The following OR3A2 variants were observed in gnomAD, a reference collection of about 807,000 sequenced individuals.
OR3A2 encodes the protein olfactory receptor 3A2.
For synonymous variants in OR3A2, 126 were observed against 159.3 expected, an observed-to-expected ratio of 0.79 and a Z score of 1.57; for missense variants, 318 against 392.8, an observed-to-expected ratio of 0.81 and a Z score of 1.61.
chr17:3,303,534 G>A (rs2048979925), intron 3 of OR3A2, among the ~76,000 whole-genome samples: 1 of 151,890 alleles, frequency 6.6e-6, no homozygotes, highest in Non-Finnish European at 1.5e-5. Context: ...GAAGCCAAGA[G>A]ATCGAGATCA....
At chr17:3,286,987 C>T (rs1442143645), upstream of OR3A2, among the ~76,000 whole-genome samples, 2 of 152,166 alleles carry the variant, frequency 1.3e-5, no homozygotes, top group South Asian at 4.2e-4. Context: ...GAAGTCCATG[C>T]CCATGCCTAT....
At chr17:3,362,170 T>G (rs1311539220) in intron 2 of OR3A2, among the ~76,000 whole-genome samples, 3 of 151,782 alleles carry the variant, frequency 2.0e-5, no homozygotes, top group Non-Finnish European at 2.9e-5. Context: ...GAGGAATTTA[T>G]CCATTTCTTC....
chr17:3,357,327 T>G (rs574394402), intron 2 of OR3A2, among the ~76,000 whole-genome samples: 1 of 151,642 alleles, frequency 6.6e-6, no homozygotes, highest in Non-Finnish European at 1.5e-5. Flanking sequence ...ACCTAATCCT[T>G]GGTGCAAGAA....
intron 2 of OR3A2, among the ~76,000 whole-genome samples, chr17:3,364,712 AC>A (rs2049548359): frequency 1.3e-5 from 2 of 152,226 alleles, no homozygotes; most frequent in Non-Finnish European, 2.9e-5. Context: ...AACCAGAATT[AC>A]CATATGATCC....
chr17:3,354,708 G>A (rs1415248417), intron 2 of OR3A2, among the ~76,000 whole-genome samples: 1 of 151,020 alleles, frequency 6.6e-6, no homozygotes, highest in African/African-American at 2.4e-5. Context: ...CAAAACCAAT[G>A]TTTTATTTCA....
chr17:3,310,261 C>A, intron 3 of OR3A2: 1 of 492,444 alleles, frequency 2.0e-6, no homozygotes, highest in Admixed American at 2.1e-5. Context: ...GCTTCTGCCA[C>A]CACCGGCCCC....
intron 2 of OR3A2, among the ~76,000 whole-genome samples, chr17:3,374,876 C>T (rs2049666175): frequency 6.6e-6 from 1 of 152,050 alleles, no homozygotes; most frequent in Non-Finnish European, 1.5e-5. Flanking sequence ...CCCTTTCCCC[C>T]AAGTCCCCAA....
chr17:3,357,010 C>T (rs1023029626), intron 2 of OR3A2, among the ~76,000 whole-genome samples: 1 of 151,768 alleles, frequency 6.6e-6, no homozygotes, highest in East Asian at 1.9e-4. Context: ...TTCCACAATA[C>T]CAAAGTGAAA....
intron 3 of OR3A2, among the ~76,000 whole-genome samples, chr17:3,332,457 T>C (rs9890289): frequency 0.15 from 23,025 of 152,040 alleles, 2,324 homozygotes; most frequent in African/African-American, 0.28. Flanking sequence ...GGGAGTGACC[T>C]GATTTTCCAG....
At chr17:3,381,529 ATATCTCC>A (rs1289663258) in intron 2 of OR3A2, among the ~76,000 whole-genome samples, 1 of 152,134 alleles carries the variant, frequency 6.6e-6, no homozygotes, top group Non-Finnish European at 1.5e-5. Context: ...CTCAGTCATC[ATATCTCC>A]CCATCGCCTG....
At chr17:3,345,192 A>G (rs1028069042) in intron 2 of OR3A2, among the ~76,000 whole-genome samples, 5 of 152,206 alleles carry the variant, frequency 3.3e-5, no homozygotes, top group Non-Finnish European at 7.3e-5. Context: ...CAGGCAAATT[A>G]TTAGAGGATT....
intron 3 of OR3A2, among the ~76,000 whole-genome samples, chr17:3,323,756 G>T (rs2049146529): frequency 6.6e-6 from 1 of 151,968 alleles, no homozygotes; most frequent in South Asian, 2.1e-4. Flanking sequence ...TCCCTTTGTG[G>T]GTAACCCGAC....
intron 3 of OR3A2, chr17:3,291,946 G>A: frequency 1.9e-6 from 3 of 1,614,206 alleles, no homozygotes; most frequent in Non-Finnish European, 2.5e-6. Flanking sequence ...AGAGCCATGG[G>A]GGTACCTGCC....
At chr17:3,283,972 G>A (rs888278091) in intron 1 of OR3A2, among the ~76,000 whole-genome samples, 4 of 143,658 alleles carry the variant, frequency 2.8e-5, no homozygotes, top group Non-Finnish European at 4.5e-5. Context: ...CCTCCTGCAC[G>A]ACCACTCTCG....
intron 2 of OR3A2, among the ~76,000 whole-genome samples, chr17:3,372,964 C>T (rs1243919888): frequency 6.6e-6 from 1 of 150,490 alleles, no homozygotes; most frequent in Non-Finnish European, 1.5e-5. Flanking sequence ...CCTCTTAGCA[C>T]TACTTTTGCT....
At chr17:3,344,228 C>A (rs2049344686) in intron 2 of OR3A2, among the ~76,000 whole-genome samples, 1 of 152,230 alleles carries the variant, frequency 6.6e-6, no homozygotes, top group East Asian at 1.9e-4. Context: ...CTGGCTGAGA[C>A]TTGTGAGCTA....
chr17:3,277,630 A>G (rs62089498), exon 2 of OR3A2: 6,817 of 191,310 alleles, frequency 0.036, 192 homozygotes, highest in South Asian at 0.11. Flanking sequence ...TCATATTAAC[A>G]TCTTTGTTCA....
chr17:3,360,793 T>C (rs1042288308), intron 2 of OR3A2, among the ~76,000 whole-genome samples: 2 of 151,612 alleles, frequency 1.3e-5, no homozygotes, highest in Admixed American at 6.6e-5. Context: ...GTTTTGGTAC[T>C]AGTACCATGC....
chr17:3,287,860 G>A (rs1026179488), upstream of OR3A2, among the ~76,000 whole-genome samples: 3 of 150,918 alleles, frequency 2.0e-5, no homozygotes, highest in African/African-American at 4.9e-5. Context: ...ATATGTAATC[G>A]AGCTTATATT....
Sources: gnomAD v4.1 joint callset for allele counts (sites outside exome capture counted in the v4.1 genomes callset) on GRCh38, gnomAD v4.1.1 for gene constraint, MANE v1.5 for transcripts, NCBI Gene and HGNC (gene_info 2026-07-23, HGNC 2026-07-21) for gene names.